The following PLXNA4 variants were observed in gnomAD, a reference collection of about 807,000 sequenced individuals.
PLXNA4 encodes plexin A4.
In PLXNA4, 44 loss-of-function variants were observed where a neutral mutation model predicts 191.8. That is an observed-to-expected ratio of 0.23 (90% CI 0.18 to 0.29). The LOEUF (loss-of-function observed/expected upper bound fraction) is 0.29. PLXNA4 is among the 10% of genes least tolerant of loss of function. The probability of loss-of-function intolerance (pLI) is 1.00; values close to 1 mark genes in which losing one functional copy is unlikely to be tolerated. For missense variants in PLXNA4, 1,800 were observed against 2,488.8 expected (o/e 0.72, Z 5.89); for synonymous variants, 1,082 against 1,009.5 (o/e 1.07, Z -1.36).
intron 3 of PLXNA4, among the ~76,000 whole-genome samples, chr7:132,403,383 C>T (rs1794073969): frequency 4.6e-5 from 7 of 152,130 alleles, no homozygotes; most frequent in Admixed American, 4.6e-4. Flanking sequence ...TTAAGATTTC[C>T]CCTACTCAGG....
chr7:132,436,932 C>T (rs890915589), intron 3 of PLXNA4, among the ~76,000 whole-genome samples: 1 of 152,154 alleles, frequency 6.6e-6, no homozygotes, highest in African/African-American at 2.4e-5. Flanking sequence ...GCTCAGATGC[C>T]ACCCCTGCAG....
At chr7:132,440,877 A>T (rs1795674239) in intron 3 of PLXNA4, among the ~76,000 whole-genome samples, 1 of 152,242 alleles carries the variant, frequency 6.6e-6, no homozygotes, top group Non-Finnish European at 1.5e-5. Context: ...GAAGGGGATG[A>T]AGAGCAAAAA....
intron 3 of PLXNA4, among the ~76,000 whole-genome samples, chr7:132,311,201 T>TGTGTGTGTGTGTGTGTGTGTGTGTGC (rs1327681030): frequency 7.5e-6 from 1 of 133,424 alleles, no homozygotes; most frequent in African/African-American, 2.7e-5. Context: ...TGTGCGCGTG[T>TGTGTGTGTGTGTGTGTGTGTGTGTGC]GGCCTAAAGG....
intron 3 of PLXNA4, chr7:132,352,357 G>A (rs955699086): frequency 1.5e-4 from 23 of 152,236 alleles, no homozygotes; most frequent in Admixed American, 9.2e-4. Context: ...CGTGCCTGCC[G>A]AGGCTGGGCA....
intron 1 of PLXNA4, among the ~76,000 whole-genome samples, chr7:132,552,481 T>C (rs1172762482): frequency 6.6e-6 from 1 of 152,192 alleles, no homozygotes; most frequent in African/African-American, 2.4e-5. Flanking sequence ...ATGAAGGGCC[T>C]GGATTCTCTA....
intron 2 of PLXNA4, among the ~76,000 whole-genome samples, chr7:132,597,859 CTA>C (rs1554476079): frequency 6.9e-6 from 1 of 145,278 alleles, no homozygotes; most frequent in African/African-American, 2.5e-5. Flanking sequence ...CTCTCTCTCT[CTA>C]TATATATATA....
chr7:132,296,441 C>CT (rs11386403), intron 4 of PLXNA4, among the ~76,000 whole-genome samples: 87,968 of 145,318 alleles, frequency 0.61, 27,175 homozygotes, highest in African/African-American at 0.74. Flanking sequence ...TTTAATTTCT[C>CT]TTTTTTTTTT....
chr7:132,412,399 C>A (rs1044368202), intron 3 of PLXNA4, among the ~76,000 whole-genome samples: 3 of 152,098 alleles, frequency 2.0e-5, no homozygotes, highest in Admixed American at 6.5e-5. Context: ...CTCATGGAGC[C>A]GATCACCTTG....
Position 132,429,414 on chromosome 7 carries a change from A to C in PLXNA4, c.1371+59878T>G, listed in dbSNP as rs143385122. Among the ~76,000 whole-genome samples, 1,242 of 152,158 alleles carry C rather than the reference A, an allele frequency of 8.2e-3. 4 individuals carry two copies. Among genetic ancestry groups the C allele is most frequent in the Non-Finnish European group, 0.012 (842 of 68,022 alleles). ...CCAGGAAGGGTCAGATAAATAGTTT[A>C]AGTTTTATGGGCCATGCAATCTCTG... is the stretch of plus-strand genomic sequence containing the variant. On this transcript the variant is annotated intron_variant, in intron 3 of 31. Coordinates refer to ENST00000321063, the MANE Select transcript of PLXNA4 (RefSeq NM_020911.2).
In PLXNA4 at chr7:132,128,788, G is replaced by A. The variant is rs1366105097; in HGVS notation, c.*1691C>T. 1.3e-5 allele frequency: 2 copies of A among 152,258 alleles called. No individual in the cohort carries two copies. The highest frequency in any genetic ancestry group is 4.8e-5 in the African/African-American group (2 of 41,464). 9.4% of individuals were successfully genotyped at this position (152,258 alleles called of 1,614,324 possible). The stretch of plus-strand genomic sequence containing the variant: ...AGGAATGATGTCTGATGTTTGGGGA[G>A]TGAAGGCAAGACTGTGAATCCTTCT... On this transcript the variant is annotated 3_prime_UTR_variant, in exon 32 of 32. Transcript: ENST00000321063.
chr7:132,531,632 A>G (rs1158557800), intron 1 of PLXNA4, among the ~76,000 whole-genome samples: 6 of 152,230 alleles, frequency 3.9e-5, no homozygotes, highest in Admixed American at 3.9e-4. Flanking sequence ...AGGCATGGTC[A>G]AGTTTTAGAA....
chr7:132,521,891 C>A (rs192218402), intron 1 of PLXNA4, among the ~76,000 whole-genome samples: 13 of 152,288 alleles, frequency 8.5e-5, no homozygotes, highest in Admixed American at 8.5e-4. Flanking sequence ...TTGGTCATGC[C>A]CTCTTCCTTT....
intron 25 of PLXNA4, among the ~76,000 whole-genome samples, chr7:132,153,979 T>C (rs537984833): frequency 2.2e-4 from 33 of 151,914 alleles, no homozygotes; most frequent in African/African-American, 7.7e-4. Context: ...AAGGAAAGGG[T>C]GGAAGGAGCC....
intron 4 of PLXNA4, among the ~76,000 whole-genome samples, chr7:132,261,930 A>C (rs1162158445): frequency 1.3e-5 from 2 of 152,178 alleles, no homozygotes; most frequent in Non-Finnish European, 2.9e-5. Flanking sequence ...GAGATCCAGG[A>C]GACCCAAAAC....
At chr7:132,383,959 T>C in intron 3 of PLXNA4, 5 of 985,474 alleles carry the variant, frequency 5.1e-6, no homozygotes, top group Non-Finnish European at 4.8e-6. Flanking sequence ...TTCAACTCTT[T>C]CAAAGTCCTT....
intron 2 of PLXNA4, among the ~76,000 whole-genome samples, chr7:132,587,624 G>T (rs557510061): frequency 6.6e-6 from 1 of 152,260 alleles, no homozygotes; most frequent in Admixed American, 6.5e-5. Flanking sequence ...GAACCGGAAT[G>T]CTTTGGGGGT....
chr7:132,200,881 G>C, intron 12 of PLXNA4, among the ~76,000 whole-genome samples: 1 of 152,176 alleles, frequency 6.6e-6, no homozygotes, highest in Non-Finnish European at 1.5e-5. Flanking sequence ...CTGAGCATTA[G>C]CCTCTGTCTG....
intron 3 of PLXNA4, among the ~76,000 whole-genome samples, chr7:132,386,460 C>T (rs997738710): frequency 2.0e-5 from 3 of 152,228 alleles, no homozygotes; most frequent in African/African-American, 7.2e-5. Flanking sequence ...GGCAGGAAGC[C>T]TTCTCACTGG....
chr7:132,494,779 C>T (rs1797942582), intron 2 of PLXNA4, among the ~76,000 whole-genome samples: 1 of 152,180 alleles, frequency 6.6e-6, no homozygotes, highest in Admixed American at 6.5e-5. Context: ...GAGAGATTGG[C>T]ACTCTGAAAA....
Sources: allele counts gnomAD v4.1 joint callset (sites outside exome capture counted in the v4.1 genomes callset), GRCh38; gene constraint gnomAD v4.1.1; transcripts MANE v1.5; gene names NCBI Gene and HGNC (gene_info 2026-07-23, HGNC 2026-07-21).